ADK: variants seen among roughly 807,000 people sequenced by gnomAD.
The protein encoded by ADK is adenosine kinase, also known as N6,N6-dimethyladenosine kinase.
Under a neutral mutation model 44.7 loss-of-function variants are expected in ADK, and 24 were observed. The ratio of observed to expected loss-of-function variants is 0.54; its 90% CI spans 0.39 to 0.76. ADK has a LOEUF of 0.76. Ranked by LOEUF, ADK falls within the 30% of genes least tolerant of loss-of-function variation. The pLI is 0.00. For missense variants in ADK, 321 were observed against 425.1 expected, an observed-to-expected ratio of 0.76 and a Z score of 2.15; for synonymous variants, 128 against 142.6, an observed-to-expected ratio of 0.90 and a Z score of 0.73.
intron 6 of ADK, among the ~76,000 whole-genome samples, chr10:74,517,879 T>G (rs183423672): frequency 2.0e-5 from 3 of 152,322 alleles, no homozygotes; most frequent in African/African-American, 4.8e-5. Flanking sequence ...CTTTTAGTAA[T>G]TCTGTTGCTG....
chr10:74,611,117 G>A (rs750944211), intron 9 of ADK, among the ~76,000 whole-genome samples: 4 of 151,932 alleles, frequency 2.6e-5, no homozygotes, highest in Non-Finnish European at 4.4e-5. Context: ...AACCTCAACC[G>A]GGCTCAAGCG....
chr10:74,571,231 A>G (rs1850944494), intron 7 of ADK, among the ~76,000 whole-genome samples: 1 of 152,168 alleles, frequency 6.6e-6, no homozygotes, highest in Non-Finnish European at 1.5e-5. Context: ...TTCATCAAGG[A>G]TATTGGTCTA....
intron 3 of ADK, among the ~76,000 whole-genome samples, chr10:74,302,105 GTTTGTTTTTTTTTTTTTTTTT>G (rs1840067022): frequency 1.1e-5 from 1 of 88,932 alleles, no homozygotes; most frequent in African/African-American, 5.3e-5. Flanking sequence ...TTTTTTGTTT[GTTTGTTTTTTTTTTTTTTTTT>G]TTTTTTTTTT....
intron 6 of ADK, among the ~76,000 whole-genome samples, chr10:74,492,073 T>C (rs1016228850): frequency 1.1e-4 from 16 of 152,320 alleles, no homozygotes; most frequent in African/African-American, 3.1e-4. Flanking sequence ...CCTGAGTCGT[T>C]TGAGAGTAAG....
chr10:74,572,419 C>T (rs1033036625), intron 7 of ADK, among the ~76,000 whole-genome samples: 3 of 152,168 alleles, frequency 2.0e-5, no homozygotes, highest in Admixed American at 6.5e-5. Context: ...CGACCTTTCT[C>T]TCTGGCTGCC....
chr10:74,478,686 C>A (rs1846949146), intron 6 of ADK, among the ~76,000 whole-genome samples: 1 of 152,168 alleles, frequency 6.6e-6, no homozygotes, highest in South Asian at 2.1e-4. Context: ...ATGCAACTAT[C>A]AATAGTAAAG....
At chr10:74,367,337 A>G (rs893839454) in intron 4 of ADK, among the ~76,000 whole-genome samples, 5 of 152,198 alleles carry the variant, frequency 3.3e-5, no homozygotes, top group African/African-American at 9.7e-5. Context: ...CTTTAAAACT[A>G]TGTTTCATGG....
intron 1 of ADK, among the ~76,000 whole-genome samples, chr10:74,166,686 C>T (rs1436780255): frequency 9.9e-6 from 1 of 101,238 alleles, no homozygotes; most frequent in Non-Finnish European, 2.0e-5. Flanking sequence ...GACTCCGTCT[C>T]AAAAAAAAAA....
chr10:74,261,073 A>G (rs1846019485), intron 3 of ADK, among the ~76,000 whole-genome samples: 1 of 152,212 alleles, frequency 6.6e-6, no homozygotes, highest in Admixed American at 6.5e-5. Flanking sequence ...CTGAAAAGTT[A>G]TATAATAATT....
At chr10:74,519,366 A>G (rs540315072) in intron 6 of ADK, among the ~76,000 whole-genome samples, 2 of 152,102 alleles carry the variant, frequency 1.3e-5, no homozygotes, top group African/African-American at 4.8e-5. Flanking sequence ...TAGCCACGTT[A>G]CTTATGCTCA....
intron 4 of ADK, among the ~76,000 whole-genome samples, chr10:74,388,867 C>A (rs985470388): frequency 2.5e-4 from 38 of 152,186 alleles, no homozygotes; most frequent in African/African-American, 8.9e-4. Context: ...ATCTTTTTCA[C>A]AATTTCTAGT....
intron 6 of ADK, chr10:74,423,675 A>G: frequency 2.3e-6 from 1 of 432,200 alleles, no homozygotes; most frequent in Non-Finnish European, 4.6e-6. Context: ...CTGCCTTGTT[A>G]CCCACAAGTA....
intron 7 of ADK, among the ~76,000 whole-genome samples, chr10:74,564,291 G>T (rs1850566401): frequency 6.6e-6 from 1 of 152,074 alleles, no homozygotes; most frequent in South Asian, 2.1e-4. Flanking sequence ...TTGAAGGAAG[G>T]CGGCTTAAAA....
intron 4 of ADK, among the ~76,000 whole-genome samples, chr10:74,376,553 C>T (rs943521178): frequency 3.3e-5 from 5 of 152,044 alleles, no homozygotes; most frequent in African/African-American, 1.2e-4. Flanking sequence ...TCATTTCATC[C>T]TCAAATGCTC....
rs575849775 is a variant in ADK, at chr10:74,403,946, A to G, written c.555+5367A>G. ...GAGTGCAGTGGCACAATCTCTGCCC[A>G]CTGCAACCTCCGCCTCCTGGGTTCA... is the stretch of plus-strand genomic sequence containing the variant. On this transcript the variant is annotated intron_variant, in intron 6 of 10. Coordinates refer to ENST00000539909, the MANE Select transcript of ADK (RefSeq NM_006721.4). Among the ~76,000 whole-genome samples the G allele has an allele frequency of 9.9e-5, 15 of 152,254 alleles. No homozygotes were observed. The South Asian group carries it at 3.1e-3, about 32-fold the overall frequency.
intron 3 of ADK, among the ~76,000 whole-genome samples, chr10:74,285,653 C>A (rs1847135355): frequency 6.6e-6 from 1 of 152,128 alleles, no homozygotes; most frequent in Non-Finnish European, 1.5e-5. Flanking sequence ...TGCACTCCAG[C>A]CTGGGTGACA....
chr10:74,177,971 C>T (rs1216734021), intron 1 of ADK, among the ~76,000 whole-genome samples: 3 of 130,698 alleles, frequency 2.3e-5, no homozygotes, highest in African/African-American at 2.8e-5. Flanking sequence ...GACAGAGTTT[C>T]GCTCTTGTTG....
At chr10:74,518,251 A>C (rs543157217) in intron 6 of ADK, among the ~76,000 whole-genome samples, 5 of 152,260 alleles carry the variant, frequency 3.3e-5, no homozygotes, top group South Asian at 2.1e-4. Flanking sequence ...ACAGTGATAC[A>C]TCTTGAGACA....
chr10:74,562,086 A>G (rs1225361759), intron 7 of ADK, among the ~76,000 whole-genome samples: 3 of 152,206 alleles, frequency 2.0e-5, no homozygotes, highest in Admixed American at 2.0e-4. Flanking sequence ...AATGCCTGCT[A>G]TGTACCAAGC....
Sources: gnomAD v4.1 joint callset for allele counts (sites outside exome capture counted in the v4.1 genomes callset) on GRCh38, gnomAD v4.1.1 for gene constraint, MANE v1.5 for transcripts, NCBI Gene and HGNC (gene_info 2026-07-23, HGNC 2026-07-21) for gene names.